The following RBFOX1 variants were observed in gnomAD, a reference collection of about 807,000 sequenced individuals.
The protein encoded by RBFOX1 is RNA binding fox-1 homolog 1, also known as RNA binding protein fox-1 homolog 1.
A neutral mutation model predicts 57.7 loss-of-function variants in RBFOX1; 8 were observed. The ratio of observed to expected loss-of-function variants is 0.14; its 90% CI spans 0.08 to 0.25. RBFOX1 has a LOEUF of 0.25. Among genes scored for constraint, RBFOX1 ranks in the 10% least tolerant of loss-of-function variants. RBFOX1 has a pLI of 1.00. For synonymous variants in RBFOX1, 326 were observed against 222.4 expected, an observed-to-expected ratio of 1.47 and a Z score of -4.15; for missense variants, 611 against 548.5, an observed-to-expected ratio of 1.11 and a Z score of -1.14.
At chr16:7,248,309 T>G (rs1365620427) in intron 4 of RBFOX1, among the ~76,000 whole-genome samples, 1 of 152,024 alleles carries the variant, frequency 6.6e-6, no homozygotes, top group Non-Finnish European at 1.5e-5. Context: ...GCTCACTCCC[T>G]TCCTTGTTCA....
At chr16:7,166,106 G>A (rs763183717) in intron 4 of RBFOX1, among the ~76,000 whole-genome samples, 29 of 151,976 alleles carry the variant, frequency 1.9e-4, no homozygotes, top group Admixed American at 5.2e-4. Context: ...TTCTGCCTCC[G>A]GGATTCAAGT....
intron 3 of RBFOX1, among the ~76,000 whole-genome samples, chr16:6,671,899 T>C (rs1479469584): frequency 1.3e-5 from 2 of 152,364 alleles, no homozygotes; most frequent in African/African-American, 4.8e-5. Flanking sequence ...CACTGCCTTT[T>C]CACACGCCAA....
At chr16:5,957,404 G>A (rs535357711) in intron 4 of RBFOX1, among the ~76,000 whole-genome samples, 7 of 152,090 alleles carry the variant, frequency 4.6e-5, no homozygotes, top group African/African-American at 7.2e-5. Context: ...TAGTAGAGAT[G>A]GGGTTTCACC....
chr16:6,980,406 C>G (rs1027659663), intron 3 of RBFOX1, among the ~76,000 whole-genome samples: 6 of 152,140 alleles, frequency 3.9e-5, no homozygotes, highest in African/African-American at 7.2e-5. Flanking sequence ...TGAGAGTTTA[C>G]TTGCCATTTT....
At position 7,015,133 on chromosome 16, in the gene RBFOX1, G is replaced by A. The variant is rs577230680; in HGVS notation, c.-15-36924G>A. On this transcript the variant is annotated intron_variant, in intron 3 of 15. Transcript: ENST00000550418. ...GAGACAGAGTTAAGGGTCAGTTCAT[G>A]TTCTCTTTTTCCTTTCTTCTTAGTC... 2.6e-5 allele frequency among the ~76,000 whole-genome samples: 4 copies of A among 152,284 alleles called. No individual in the cohort carries two copies. In the South Asian group the frequency reaches 8.3e-4, roughly 32 times the overall value.
intron 4 of RBFOX1, among the ~76,000 whole-genome samples, chr16:7,320,498 T>G (rs541635138): frequency 6.6e-6 from 1 of 152,244 alleles, no homozygotes; most frequent in East Asian, 1.9e-4. Flanking sequence ...TTTGTGTTGA[T>G]TCCATGTCTT....
Position 5,994,100 on chromosome 16 carries a change from C to G in RBFOX1, c.351+126765C>G, listed in dbSNP as rs57379249. Among the ~76,000 whole-genome samples, 513 of 152,302 alleles carry G rather than the reference C, an allele frequency of 3.4e-3. 1 individual carries two copies. The highest frequency in any genetic ancestry group is 0.012 in the African/African-American group (486 of 41,568). ...GAGCTATGGGGGCTCGTTCGACTCT[C>G]TCTGTTCCTGTTTTTCCAGCTGTAA... On this transcript the variant is annotated intron_variant, in intron 4 of 19. Transcript: ENST00000641259.
chr16:6,619,196 C>T (rs2098189186), intron 2 of RBFOX1, among the ~76,000 whole-genome samples: 1 of 152,124 alleles, frequency 6.6e-6, no homozygotes, highest in Non-Finnish European at 1.5e-5. Context: ...TCTGATGTCT[C>T]ATGCCTCTGT....
chr16:6,187,182 T>C (rs184085180), intron 1 of RBFOX1, among the ~76,000 whole-genome samples: 110 of 152,224 alleles, frequency 7.2e-4, no homozygotes, highest in African/African-American at 2.5e-3. Flanking sequence ...CCTGATGCTT[T>C]CATGGGGGAA....
chr16:6,584,559 G>C (rs866356284), intron 2 of RBFOX1, among the ~76,000 whole-genome samples: 3 of 151,856 alleles, frequency 2.0e-5, no homozygotes, highest in African/African-American at 4.8e-5. Flanking sequence ...AGCAGAGATA[G>C]GGTTTTGCCA....
At chr16:6,629,980 A>G (rs1362134791) in intron 2 of RBFOX1, among the ~76,000 whole-genome samples, 2 of 150,774 alleles carry the variant, frequency 1.3e-5, no homozygotes, top group African/African-American at 4.9e-5. Context: ...TTTTAAAAAA[A>G]AAAAAGACCA....
At chr16:6,188,236 C>T (rs185856589) in intron 1 of RBFOX1, among the ~76,000 whole-genome samples, 3 of 152,040 alleles carry the variant, frequency 2.0e-5, no homozygotes, top group South Asian at 4.1e-4. Context: ...CAATAGTTTA[C>T]GTCTACCCAC....
At chr16:7,125,275 G>A (rs1281827882) in intron 4 of RBFOX1, among the ~76,000 whole-genome samples, 2 of 152,124 alleles carry the variant, frequency 1.3e-5, no homozygotes, top group Non-Finnish European at 2.9e-5. Context: ...TTTCTAACCT[G>A]CAGCATCCTC....
At position 5,703,826 on chromosome 16, in the gene RBFOX1, A is replaced by G. The variant is rs138091089; in HGVS notation, c.318+104865A>G. ...GTACATATTTAATATGCAACCCATG[A>G]TGTAGGGATATTATTATCTACATGT... On this transcript the variant is annotated intron_variant, in intron 3 of 19. Coordinates refer to the RBFOX1 transcript ENST00000641259. Among the ~76,000 whole-genome samples the G allele has an allele frequency of 3.8e-3, 574 of 152,290 alleles. 2 individuals are homozygous for G. The highest frequency in any genetic ancestry group is 6.2e-3 in the Non-Finnish European group (421 of 68,036).
chr16:7,023,775 A>C (rs749169962), intron 3 of RBFOX1, among the ~76,000 whole-genome samples: 7 of 152,016 alleles, frequency 4.6e-5, no homozygotes, highest in East Asian at 1.9e-4. Context: ...ACTTAGCTCA[A>C]ATACAGCCTC....
At chr16:5,889,964 C>A (rs770053750) in intron 4 of RBFOX1, among the ~76,000 whole-genome samples, 2 of 152,178 alleles carry the variant, frequency 1.3e-5, no homozygotes, top group East Asian at 3.9e-4. Context: ...GATCACAATG[C>A]GTGTGAGATG....
chr16:5,895,419 C>T (rs1407962413), intron 4 of RBFOX1, among the ~76,000 whole-genome samples: 1 of 152,212 alleles, frequency 6.6e-6, no homozygotes, highest in Non-Finnish European at 1.5e-5. Context: ...CAACTCATGG[C>T]TGGACTCTCT....
chr16:7,576,727 A>C (rs1351765778), intron 5 of RBFOX1, among the ~76,000 whole-genome samples: 1 of 152,224 alleles, frequency 6.6e-6, no homozygotes, highest in Non-Finnish European at 1.5e-5. Flanking sequence ...TTTAATCATA[A>C]TCTCTGTAAT....
chr16:5,764,648 G>A (rs1597154695), intron 3 of RBFOX1, among the ~76,000 whole-genome samples: 1 of 152,208 alleles, frequency 6.6e-6, no homozygotes, highest in East Asian at 1.9e-4. Flanking sequence ...GGAAGAAAGA[G>A]GCAATTATCA....
Sources: allele counts gnomAD v4.1 joint callset (sites outside exome capture counted in the v4.1 genomes callset), GRCh38; gene constraint gnomAD v4.1.1; transcripts MANE v1.5; gene names NCBI Gene and HGNC (gene_info 2026-07-23, HGNC 2026-07-21).